The following RORA variants were observed in gnomAD, a reference collection of about 807,000 sequenced individuals.
The protein encoded by RORA is RAR related orphan receptor A, also known as nuclear receptor ROR-alpha.
Under a neutral mutation model 69.5 loss-of-function variants are expected in RORA, and 7 were observed. The observed-to-expected ratio is 0.10, with a 90% CI of 0.06 to 0.19. The LOEUF is 0.19. Among genes scored for constraint, RORA ranks in the 10% least tolerant of loss-of-function variants. The pLI is 1.00. For synonymous variants in RORA, 261 were observed against 240.8 expected, an observed-to-expected ratio of 1.08 and a Z score of -0.78; for missense variants, 457 against 663.0, an observed-to-expected ratio of 0.69 and a Z score of 3.41.
chr15:61,112,567 G>C (rs2079016278), intron 1 of RORA, among the ~76,000 whole-genome samples: 1 of 152,162 alleles, frequency 6.6e-6, no homozygotes, highest in Non-Finnish European at 1.5e-5. Context: ...GGTTTATGCA[G>C]GGTGCCACGC....
At chr15:60,956,090 C>CA (rs1403596966) in intron 1 of RORA, among the ~76,000 whole-genome samples, 19 of 152,154 alleles carry the variant, frequency 1.2e-4, no homozygotes, top group Non-Finnish European at 2.5e-4. Flanking sequence ...CAAAAAGAAG[C>CA]AGGGCAAGCA....
chr15:60,986,236 C>T (rs1894198428), intron 1 of RORA, among the ~76,000 whole-genome samples: 1 of 151,912 alleles, frequency 6.6e-6, no homozygotes, highest in Non-Finnish European at 1.5e-5. Context: ...TAGGTTCAAG[C>T]CATTCTCCTG....
At chr15:60,748,463 T>C (rs2071679864) in intron 1 of RORA, among the ~76,000 whole-genome samples, 1 of 152,190 alleles carries the variant, frequency 6.6e-6, no homozygotes, top group South Asian at 2.1e-4. Flanking sequence ...CTTATATATG[T>C]TAATGTTTCA....
chr15:61,023,187 C>A (rs1397393294), intron 1 of RORA, among the ~76,000 whole-genome samples: 328 of 75,650 alleles, frequency 4.3e-3, no homozygotes, highest in African/African-American at 6.3e-3. Context: ...GACTCTGCCT[C>A]AAAAAAAAAA....
intron 1 of RORA, among the ~76,000 whole-genome samples, chr15:60,956,182 C>A (rs543353003): frequency 3.9e-4 from 60 of 151,968 alleles, no homozygotes; most frequent in African/African-American, 1.4e-3. Context: ...GCTTTGCCCA[C>A]AGTATGAACT....
chr15:60,532,596 C>T (rs565172917), intron 2 of RORA, among the ~76,000 whole-genome samples: 177 of 152,172 alleles, frequency 1.2e-3, no homozygotes, highest in African/African-American at 3.9e-3. Flanking sequence ...TGTATCACAC[C>T]AAAGTTCTCA....
chr15:60,785,832 C>T (rs746241), intron 1 of RORA, among the ~76,000 whole-genome samples: 18,617 of 152,180 alleles, frequency 0.12, 1,492 homozygotes, highest in East Asian at 0.41. Context: ...TCCTTCATTG[C>T]GTTTGTCACT....
intron 1 of RORA, among the ~76,000 whole-genome samples, chr15:60,960,981 G>A (rs116100636): frequency 3.4e-4 from 52 of 152,236 alleles, no homozygotes; most frequent in African/African-American, 1.2e-3. Context: ...GCAGAACTGC[G>A]ATTTAAGCCA....
chr15:61,197,807 G>A (rs2140922873), intron 1 of RORA, among the ~76,000 whole-genome samples: 1 of 152,286 alleles, frequency 6.6e-6, no homozygotes, highest in East Asian at 1.9e-4. Context: ...CCACTTCTCA[G>A]GTGTCTCTCC....
rs370003507 is a variant in RORA, at chr15:60,558,313, C to T, written c.197-26462G>A. On this transcript the variant is annotated intron_variant, in intron 2 of 10. Transcript: ENST00000335670. ...AATCCCAAAAAGTTCATCCCTGGAACGAAAATGATAGCCTATCTCAAAAAA... is the reference window on the plus strand; with the variant it reads ...AATCCCAAAAAGTTCATCCCTGGAATGAAAATGATAGCCTATCTCAAAAAA... The T allele has an allele frequency of 2.9e-5, 46 of 1,598,822 alleles. 1 individual carries two copies. The East Asian group carries it at 3.1e-4, about 11-fold the overall frequency.
rs529952876 is a variant in RORA, at chr15:60,841,568, A to C, written c.167-162882T>G. On this transcript the variant is annotated intron_variant, in intron 1 of 10. Coordinates refer to ENST00000335670, the MANE Select transcript of RORA (RefSeq NM_134261.3). ...ACATTGCACAGGAAAGGAAGAGTAA[A>C]AATGCTATTGAGAAAGACCTGGTTT... Among the ~76,000 whole-genome samples, 44 of 152,272 alleles carry C rather than the reference A, an allele frequency of 2.9e-4. No homozygotes were observed. The Middle Eastern group carries it at 0.01, about 35-fold the overall frequency.
chr15:60,500,862 C>T, intron 9 of RORA, 97 bp downstream of exon 9: 2 of 661,790 alleles, frequency 3.0e-6, no homozygotes, highest in South Asian at 4.1e-5. Flanking sequence ...CTTAGTAGCT[C>T]CCAAATATTT....
Position 60,558,493 on chromosome 15 carries a change from G to A in RORA, c.197-26642C>T, listed in dbSNP as rs115919855. On this transcript the variant is annotated intron_variant, in intron 2 of 10. Transcript: ENST00000335670. ...CTGAATATTTTTGTTGGGCAGTCCT[G>A]TTAACTAAGACTGGATTGTGGTTAA... The A allele has an allele frequency of 2.7e-3, 1,390 of 506,666 alleles. 16 individuals carry two copies. Among genetic ancestry groups the A allele is most frequent in the African/African-American group, 0.025 (1,274 of 50,896 alleles). 31.4% of individuals were successfully genotyped at this position (506,666 alleles called of 1,614,324 possible).
chr15:60,873,058 A>G (rs80189940), intron 1 of RORA, among the ~76,000 whole-genome samples: 3,651 of 152,104 alleles, frequency 0.024, 146 homozygotes, highest in African/African-American at 0.084. Flanking sequence ...TGCCGAGTCT[A>G]TAAAGATTCT....
At chr15:61,176,316 G>A (rs1383059096) in intron 1 of RORA, 1 of 152,128 alleles carries the variant, frequency 6.6e-6, no homozygotes, top group African/African-American at 2.4e-5. Context: ...ATACAGGAGT[G>A]GCCTCTAACT....
chr15:60,893,035 A>G (rs1321941723), intron 1 of RORA, among the ~76,000 whole-genome samples: 2 of 152,202 alleles, frequency 1.3e-5, no homozygotes, highest in Admixed American at 1.3e-4. Flanking sequence ...CTCCCAGCAT[A>G]GCCTCAGCTT....
chr15:61,137,790 T>G (rs1316716148), intron 1 of RORA, among the ~76,000 whole-genome samples: 4 of 152,238 alleles, frequency 2.6e-5, no homozygotes, highest in Admixed American at 6.5e-5. Context: ...TGCATTAAAT[T>G]TAATGATGAA....
At chr15:60,954,550 G>C (rs1250754058) in intron 1 of RORA, among the ~76,000 whole-genome samples, 3 of 152,078 alleles carry the variant, frequency 2.0e-5, no homozygotes, top group South Asian at 4.1e-4. Context: ...GGAGTGCCCT[G>C]TTTGGGCCCC....
At position 60,898,500 on chromosome 15, in the gene RORA, AAAATAAATAAAT is replaced by A. The variant is rs59713870; in HGVS notation, c.167-219826_167-219815del. On this transcript the variant is annotated intron_variant, in intron 1 of 10. Transcript: ENST00000335670. The stretch of plus-strand genomic sequence containing the variant: ...GCAACACAGTGAGACATTGTCTCTA[AAAATAAATAAAT>A]AAATAAATAAATAAATAAATAAATA... Among the ~76,000 whole-genome samples the A allele has an allele frequency of 6.7e-4, 92 of 138,124 alleles. 1 individual carries two copies. Among genetic ancestry groups the A allele is most frequent in the African/African-American group, 1.2e-3 (44 of 36,460 alleles). The allele number at this position is 138,124 out of a possible 152,430, so 90.6% of individuals were successfully genotyped here.
Sources: gnomAD v4.1 joint callset for allele counts (sites outside exome capture counted in the v4.1 genomes callset) on GRCh38, gnomAD v4.1.1 for gene constraint, MANE v1.5 for transcripts, NCBI Gene and HGNC (gene_info 2026-07-23, HGNC 2026-07-21) for gene names.